Variants in CADM2 observed in about 807,000 individuals in gnomAD.
The protein encoded by CADM2 is cell adhesion molecule 2, also known as immunoglobulin superfamily member 4D.
Under a neutral mutation model 49.8 loss-of-function variants are expected in CADM2, and 12 were observed. The observed-to-expected ratio is 0.24, with a 90% CI of 0.15 to 0.39. The LOEUF is 0.39. Among genes scored for constraint, CADM2 ranks in the 10% least tolerant of loss-of-function variants. The pLI, the probability that CADM2 is intolerant of heterozygous loss-of-function variation, is 1.00. For synonymous variants in CADM2, 214 were observed against 175.4 expected (o/e 1.22, Z -1.74); for missense variants, 378 against 492.3 (o/e 0.77, Z 2.20).
chr3:85,540,305 A>C (rs1576755714), intron 1 of CADM2, among the ~76,000 whole-genome samples: 1 of 152,136 alleles, frequency 6.6e-6, no homozygotes, highest in African/African-American at 2.4e-5. Context: ...ACAGTACTCT[A>C]CCTACCAAGT....
intron 3 of CADM2, among the ~76,000 whole-genome samples, chr3:85,829,863 C>A (rs2074106491): frequency 6.6e-6 from 1 of 151,984 alleles, no homozygotes; most frequent in Admixed American, 6.6e-5. Context: ...TTTTAAAAGG[C>A]TGAACAGTAT....
At chr3:85,249,685 A>T (rs1288621742) in intron 1 of CADM2, among the ~76,000 whole-genome samples, 1 of 151,972 alleles carries the variant, frequency 6.6e-6, no homozygotes, top group Admixed American at 6.6e-5. Context: ...CAAATGATAA[A>T]ATGCAATAAG....
At chr3:85,152,267 C>T (rs1031092248) in intron 1 of CADM2, among the ~76,000 whole-genome samples, 8 of 152,256 alleles carry the variant, frequency 5.3e-5, no homozygotes, top group Middle Eastern at 3.4e-3. Context: ...TCCTTAACTA[C>T]ATTTGACTGT....
intron 1 of CADM2, among the ~76,000 whole-genome samples, chr3:84,995,721 A>G (rs2033146889): frequency 6.6e-6 from 1 of 152,150 alleles, no homozygotes; most frequent in Admixed American, 6.5e-5. Flanking sequence ...ATATTATTCT[A>G]TTTATTTCCA....
intron 1 of CADM2, among the ~76,000 whole-genome samples, chr3:85,201,885 A>ATC (rs2041512018): frequency 6.6e-6 from 1 of 152,018 alleles, no homozygotes. Flanking sequence ...GATCAAGACC[A>ATC]TCCTGGCCAA....
At chr3:85,359,792 G>T (rs1471134983) in intron 1 of CADM2, among the ~76,000 whole-genome samples, 1 of 148,430 alleles carries the variant, frequency 6.7e-6, no homozygotes, top group Non-Finnish European at 1.5e-5. Flanking sequence ...TGTCCATACT[G>T]CCTTGCATAT....
chr3:85,482,717 G>T (rs1490310845), intron 1 of CADM2, among the ~76,000 whole-genome samples: 1 of 151,444 alleles, frequency 6.6e-6, no homozygotes, highest in Non-Finnish European at 1.5e-5. Flanking sequence ...TACATGAAGG[G>T]CATTTTAAAC....
chr3:85,996,661 C>T (rs1025966805), intron 8 of CADM2, among the ~76,000 whole-genome samples: 4 of 151,976 alleles, frequency 2.6e-5, no homozygotes, highest in South Asian at 2.1e-4. Context: ...CTAGTGAAAA[C>T]TTTATTGTTC....
At chr3:85,924,239 A>T (rs1719529475) in intron 6 of CADM2, among the ~76,000 whole-genome samples, 1 of 152,170 alleles carries the variant, frequency 6.6e-6, no homozygotes, top group Non-Finnish European at 1.5e-5. Context: ...CATTACTTAA[A>T]CATAGTTAGA....
chr3:85,979,061 A>G (rs551920882), intron 8 of CADM2: 18 of 1,302,800 alleles, frequency 1.4e-5, no homozygotes, highest in Admixed American at 4.0e-5. Flanking sequence ...AGCTTGTTAA[A>G]GTTAAACCTC....
At chr3:85,135,480 A>G (rs1045017317) in intron 1 of CADM2, among the ~76,000 whole-genome samples, 1 of 152,122 alleles carries the variant, frequency 6.6e-6, no homozygotes, top group African/African-American at 2.4e-5. Context: ...TTGTAAATGT[A>G]TAATGCTGTA....
chr3:85,093,492 GA>G lies in CADM2; in HGVS notation c.61+133836del, dbSNP rs1212305148. The stretch of plus-strand genomic sequence containing the variant: ...AGATCACACCACTCCATCTCAAAAA[GA>G]AAAAAAAAAAAGATACATCCTTACA... On this transcript the variant is annotated intron_variant, in intron 1 of 9. Coordinates refer to ENST00000383699, the MANE Select transcript of CADM2 (RefSeq NM_001167675.2). 4.2e-3 allele frequency among the ~76,000 whole-genome samples: 533 copies of G among 127,326 alleles called. 3 individuals carry two copies. The highest frequency in any genetic ancestry group is 0.012 in the African/African-American group (426 of 34,690). 83.5% of individuals were successfully genotyped at this position (127,326 alleles called of 152,430 possible).
At chr3:85,110,247 C>T (rs1376947750) in intron 1 of CADM2, among the ~76,000 whole-genome samples, 1 of 151,392 alleles carries the variant, frequency 6.6e-6, no homozygotes, top group Non-Finnish European at 1.5e-5. Flanking sequence ...AGATAAGATT[C>T]CAGAGAGACA....
chr3:85,007,698 C>T (rs1259288817), intron 1 of CADM2, among the ~76,000 whole-genome samples: 5 of 152,080 alleles, frequency 3.3e-5, no homozygotes, highest in East Asian at 1.9e-4. Context: ...TACCACAATG[C>T]GTTTACTGTG....
At chr3:85,557,158 G>C (rs2061979944) in intron 1 of CADM2, among the ~76,000 whole-genome samples, 1 of 151,890 alleles carries the variant, frequency 6.6e-6, no homozygotes. Context: ...TTTCCTATAA[G>C]AATGAGCTGA....
In CADM2 at chr3:85,746,903, C is replaced by A. The variant is rs1009218761; in HGVS notation, c.88+20355C>A. On this transcript the variant is annotated intron_variant, in intron 2 of 9. Transcript: ENST00000383699. ...TAAGTCCAAGTTTTTTCTCTGAGGG[C>A]TGAGGCTTTTAAAATCAAAAAGCTA... Among the ~76,000 whole-genome samples, 4 of 152,148 alleles carry A rather than the reference C, an allele frequency of 2.6e-5. No individual in the cohort carries two copies. In the East Asian group the frequency reaches 7.7e-4, roughly 29 times the overall value.
At chr3:85,016,975 T>G (rs1195528416) in intron 1 of CADM2, among the ~76,000 whole-genome samples, 1 of 152,112 alleles carries the variant, frequency 6.6e-6, no homozygotes, top group Non-Finnish European at 1.5e-5. Context: ...GGAGGATGCT[T>G]GAAATAAATG....
At chr3:85,413,138 C>CAAAA (rs397973777) in intron 1 of CADM2, among the ~76,000 whole-genome samples, 73 of 17,014 alleles carry the variant, frequency 4.3e-3, no homozygotes, top group Middle Eastern at 0.1. Context: ...GACTCCGTCT[C>CAAAA]AAAAAAAAAA....
chr3:85,916,934 A>ATT (rs1281106136), intron 6 of CADM2, among the ~76,000 whole-genome samples: 1 of 151,866 alleles, frequency 6.6e-6, no homozygotes, highest in African/African-American at 2.4e-5. Flanking sequence ...GATGATGAGC[A>ATT]TTTTTTCATG....
Sources: gnomAD v4.1 joint callset for allele counts (sites outside exome capture counted in the v4.1 genomes callset) on GRCh38, gnomAD v4.1.1 for gene constraint, MANE v1.5 for transcripts, NCBI Gene and HGNC (gene_info 2026-07-23, HGNC 2026-07-21) for gene names.